The following COA1 variants were observed in gnomAD, a reference collection of about 807,000 sequenced individuals.
COA1 encodes cytochrome c oxidase assembly factor 1 homolog.
A neutral mutation model predicts 16.0 loss-of-function variants in COA1; 13 were observed. The observed-to-expected ratio is 0.81, with a 90% confidence interval of 0.53 to 1.29. The LOEUF is 1.29. COA1 is among the 50% of genes most tolerant of loss of function. The pLI, the probability that COA1 is intolerant of heterozygous loss-of-function variation, is 0.00. For synonymous variants in COA1, 65 were observed against 65.7 expected, an observed-to-expected ratio of 0.99 and a Z score of 0.05; for missense variants, 179 against 177.0, an observed-to-expected ratio of 1.01 and a Z score of -0.06.
At chr7:43,712,297 T>C (rs549906970) in intron 1 of COA1, among the ~76,000 whole-genome samples, 64 of 152,034 alleles carry the variant, frequency 4.2e-4, no homozygotes, top group Non-Finnish European at 7.1e-4. Flanking sequence ...ATTTTTGGTA[T>C]AGACGGGGTT....
chr7:43,630,640 C>G (rs986608565), intron 6 of COA1, among the ~76,000 whole-genome samples: 2 of 152,168 alleles, frequency 1.3e-5, no homozygotes, highest in African/African-American at 4.8e-5. Flanking sequence ...TCAATACTTT[C>G]ATCCTATACT....
intron 1 of COA1, among the ~76,000 whole-genome samples, chr7:43,691,669 T>C (rs1339447265): frequency 6.6e-6 from 1 of 152,194 alleles, no homozygotes; most frequent in Non-Finnish European, 1.5e-5. Context: ...AGAGGACACC[T>C]GCTCTATCCT....
intron 6 of COA1, among the ~76,000 whole-genome samples, chr7:43,619,883 G>A (rs1345396643): frequency 2.0e-5 from 3 of 152,196 alleles, no homozygotes; most frequent in Admixed American, 1.3e-4. Flanking sequence ...AATGGAAAAC[G>A]TTCAAGAGTA....
intron 1 of COA1, among the ~76,000 whole-genome samples, chr7:43,671,154 C>A (rs2093235100): frequency 6.6e-6 from 1 of 152,170 alleles, no homozygotes; most frequent in Non-Finnish European, 1.5e-5. Flanking sequence ...CACAGACCTA[C>A]ATGTAAGCAC....
chr7:43,657,826 A>T (rs531364423), intron 1 of COA1, among the ~76,000 whole-genome samples: 2 of 152,322 alleles, frequency 1.3e-5, no homozygotes, highest in African/African-American at 4.8e-5. Context: ...AAAATGAACA[A>T]CTTAATTTGA....
At chr7:43,654,228 A>G (rs1409947914) in intron 1 of COA1, among the ~76,000 whole-genome samples, 1 of 152,194 alleles carries the variant, frequency 6.6e-6, no homozygotes, top group Non-Finnish European at 1.5e-5. Context: ...GTATGAGTCC[A>G]GCTTCCAGAG....
chr7:43,630,733 G>A (rs577498129), intron 6 of COA1, among the ~76,000 whole-genome samples: 3 of 152,266 alleles, frequency 2.0e-5, no homozygotes, highest in African/African-American at 7.2e-5. Context: ...CGTAACTACA[G>A]GAAATTGATA....
chr7:43,701,195 T>C (rs2094723368), intron 1 of COA1, among the ~76,000 whole-genome samples: 2 of 151,912 alleles, frequency 1.3e-5, no homozygotes, highest in African/African-American at 4.8e-5. Flanking sequence ...ACAAATGATT[T>C]CATTTCCCAG....
At chr7:43,661,221 G>A (rs1167118587) in intron 1 of COA1, among the ~76,000 whole-genome samples, 1 of 152,172 alleles carries the variant, frequency 6.6e-6, no homozygotes, top group Non-Finnish European at 1.5e-5. Flanking sequence ...GCTAGGATTG[G>A]GTTTTCCATT....
intron 1 of COA1, among the ~76,000 whole-genome samples, chr7:43,694,357 A>C (rs1415956126): frequency 6.6e-6 from 1 of 151,446 alleles, no homozygotes; most frequent in Non-Finnish European, 1.5e-5. Flanking sequence ...AATAATGTCT[A>C]TTTTTGCCAT....
chr7:43,701,920 A>T (rs2094760707), intron 1 of COA1, among the ~76,000 whole-genome samples: 2 of 151,916 alleles, frequency 1.3e-5, no homozygotes, highest in Admixed American at 1.3e-4. Context: ...CCACTCTTTA[A>T]TGGGGTTGTT....
chr7:43,693,970 A>G (rs2094452155), intron 1 of COA1, among the ~76,000 whole-genome samples: 2 of 151,800 alleles, frequency 1.3e-5, no homozygotes, highest in African/African-American at 4.8e-5. Context: ...TTACCTCTAC[A>G]GCTCCTCTGC....
chr7:43,726,505 C>T (rs2095620062), intron 1 of COA1, among the ~76,000 whole-genome samples: 1 of 152,196 alleles, frequency 6.6e-6, no homozygotes, highest in Admixed American at 6.5e-5. Context: ...TGGCTTAAAT[C>T]CCTACACAAA....
Position 43,639,465 on chromosome 7 carries a change from G to T in COA1, c.*117C>A. On this transcript the variant is annotated 3_prime_UTR_variant, in exon 6 of 6. Coordinates refer to ENST00000223336, the MANE Select transcript of COA1 (RefSeq NM_018224.4). ...GGCACATACCATCATCCCACTGGTG[G>T]CTGGAAAACTGGGTTGCAGGAGTGT... is the stretch of plus-strand genomic sequence containing the variant. The T allele has an allele frequency of 1.3e-6, 1 of 747,818 alleles. No homozygotes were observed. The highest frequency in any genetic ancestry group is 2.3e-6 in the Non-Finnish European group (1 of 429,064). 46.3% of individuals were successfully genotyped at this position (747,818 alleles called of 1,614,324 possible).
chr7:43,723,798 G>T (rs568741874), intron 1 of COA1, among the ~76,000 whole-genome samples: 22 of 152,178 alleles, frequency 1.4e-4, no homozygotes, highest in African/African-American at 5.3e-4. Flanking sequence ...GTGGTGGCAT[G>T]TGCCTGTAGT....
At chr7:43,644,739 T>TAGAC in intron 4 of COA1, among the ~76,000 whole-genome samples, 1 of 86,398 alleles carries the variant, frequency 1.2e-5, no homozygotes, top group African/African-American at 3.8e-5. Flanking sequence ...GATAGATAGA[T>TAGAC]AGATAGATAG....
At chr7:43,725,084 CA>C (rs1047903016) in intron 1 of COA1, among the ~76,000 whole-genome samples, 21 of 151,928 alleles carry the variant, frequency 1.4e-4, no homozygotes, top group African/African-American at 5.1e-4. Context: ...ACTAAAAATA[CA>C]AAATTAGCTA....
At chr7:43,628,113 A>G (rs2084778037) in intron 6 of COA1, among the ~76,000 whole-genome samples, 1 of 152,076 alleles carries the variant, frequency 6.6e-6, no homozygotes, top group African/African-American at 2.4e-5. Context: ...CAGCTCCCCA[A>G]GTAGCTGGGA....
intron 1 of COA1, among the ~76,000 whole-genome samples, chr7:43,725,873 AT>A (rs1420584609): frequency 1.3e-5 from 2 of 150,136 alleles, no homozygotes; most frequent in Non-Finnish European, 3.0e-5. Context: ...AAATATATAT[AT>A]TATATATATA....
Sources: allele counts gnomAD v4.1 joint callset (sites outside exome capture counted in the v4.1 genomes callset), GRCh38; gene constraint gnomAD v4.1.1; transcripts MANE v1.5; gene names NCBI Gene and HGNC (gene_info 2026-07-23, HGNC 2026-07-21).